SRL: variants seen among roughly 807,000 people sequenced by gnomAD.
The protein encoded by SRL is sarcalumenin.
SRL carries 23 observed loss-of-function variants against 39.5 expected under a neutral mutation model. That is an observed-to-expected ratio of 0.58 (90% confidence interval 0.42 to 0.82). SRL has a LOEUF of 0.82. Ranked by LOEUF, SRL falls within the 40% of genes least tolerant of loss-of-function variation. The pLI is 0.00. For synonymous variants in SRL, 272 were observed against 237.4 expected (o/e 1.15, Z -1.34); for missense variants, 592 against 607.8 (o/e 0.97, Z 0.27).
chr16:4,211,552 G>A (rs1345593230), intron 1 of SRL, among the ~76,000 whole-genome samples: 2 of 133,188 alleles, frequency 1.5e-5, no homozygotes, highest in East Asian at 3.9e-4. Context: ...TGACCGTGCC[G>A]ATGATGAGGA....
intron 1 of SRL, among the ~76,000 whole-genome samples, chr16:4,208,566 C>G (rs981639103): frequency 6.6e-5 from 10 of 152,194 alleles, no homozygotes; most frequent in Admixed American, 1.3e-4. Context: ...TGCATCCCAC[C>G]TCATGGCAGT....
chr16:4,204,528 G>C lies in SRL; in HGVS notation c.163+5C>G, dbSNP rs778116742. 12 of 1,613,302 alleles carry C rather than the reference G, an allele frequency of 7.4e-6. No individual in the cohort carries two copies. Among genetic ancestry groups the C allele is most frequent in the Admixed American group, 5.0e-5 (3 of 59,988 alleles). ...GCCCTGGGCATATCTCCCTCCCCTG[G>C]TTACCAGAGTAGTCATCGGATGGCT... On this transcript the variant is annotated splice_donor_5th_base_variant and intron_variant, in intron 2 of 5. Transcript: ENST00000399609.
rs1340255473 is a variant in SRL at position 4,192,261 on chromosome 16, C to T, written c.1314G>A (p.Glu438=). 1 of 1,614,078 alleles carries T rather than the reference C, an allele frequency of 6.2e-7. No homozygotes were observed. Among genetic ancestry groups the T allele is most frequent in the East Asian group, 2.2e-5 (1 of 44,880 alleles). ...LEKIERAITQ[E]LPGLLGSLGL... ...CGAGGCTACCCAGGAGGCCCGGAAGCTCCTGAGTGATGGCCCGCTCAATCT... is the reference window on the plus strand; with the variant it reads ...CGAGGCTACCCAGGAGGCCCGGAAGTTCCTGAGTGATGGCCCGCTCAATCT... The change falls in exon 6 of 6, where the codon GAG becomes GAA. Residue 438 remains glutamate (E), a synonymous_variant. Coordinates refer to ENST00000399609, the MANE Select transcript of SRL (RefSeq NM_001098814.2). This position sits in a 1 kb window ranked among gnomAD's most constrained non-coding sequence, Gnocchi z 4.0.
At chr16:4,203,328 G>C in intron 2 of SRL, 67 bp from the exon 3 acceptor site, 1 of 1,382,582 alleles carries the variant, frequency 7.2e-7, no homozygotes, top group Admixed American at 1.7e-5. Context: ...CTCCATTGTG[G>C]AGGGGCCTCA....
chr16:4,218,344 C>T (rs1345051294), intron 1 of SRL, among the ~76,000 whole-genome samples: 1 of 152,144 alleles, frequency 6.6e-6, no homozygotes, highest in Non-Finnish European at 1.5e-5. Flanking sequence ...CCGGTAAGGG[C>T]CCTTCAAAGC....
intron 4 of SRL, among the ~76,000 whole-genome samples, chr16:4,197,421 C>CTTCTTTT (rs71394661): frequency 0.02 from 2,188 of 107,544 alleles, 125 homozygotes; most frequent in African/African-American, 0.076. Flanking sequence ...CTTTTCTTTC[C>CTTCTTTT]TTTTTTTTTT....
chr16:4,213,404 C>CTTTTTTTTTTTTTTTTTT (rs1176583909), intron 1 of SRL, among the ~76,000 whole-genome samples: 6 of 69,582 alleles, frequency 8.6e-5, no homozygotes, highest in Admixed American at 1.5e-4. Flanking sequence ...TTTTCTTTTT[C>CTTTTTTTTTTTTTTTTTT]TTTTTTTTTT....
intron 1 of SRL, among the ~76,000 whole-genome samples, chr16:4,238,306 G>A (rs758871903): frequency 7.2e-5 from 11 of 152,026 alleles, no homozygotes; most frequent in African/African-American, 1.2e-4. Flanking sequence ...GGATGCACAG[G>A]GCCTAGCTCT....
At chr16:4,204,239 G>A (rs1327408904) in intron 2 of SRL, among the ~76,000 whole-genome samples, 1 of 152,192 alleles carries the variant, frequency 6.6e-6, no homozygotes, top group Admixed American at 6.5e-5. Context: ...AGCACAGCAT[G>A]GGGCTGCACT....
intron 1 of SRL, among the ~76,000 whole-genome samples, chr16:4,213,733 C>T (rs372256992): frequency 4.6e-5 from 7 of 152,170 alleles, no homozygotes; most frequent in African/African-American, 1.7e-4. Flanking sequence ...CCAGTCCACA[C>T]GTGCCAGGCT....
chr16:4,197,710 G>T, intron 4 of SRL, 89 bp downstream of exon 4: 1 of 991,412 alleles, frequency 1.0e-6, no homozygotes, highest in Non-Finnish European at 1.6e-6. Flanking sequence ...ACAGGCATGA[G>T]TCATAATGTC....
intron 1 of SRL, among the ~76,000 whole-genome samples, chr16:4,240,557 G>A (rs1279345952): frequency 6.6e-6 from 1 of 152,186 alleles, no homozygotes; most frequent in Admixed American, 6.5e-5. Context: ...AGGAAGGAAA[G>A]ACAGCAGAGA....
intron 4 of SRL, among the ~76,000 whole-genome samples, chr16:4,196,443 C>G (rs1007119155): frequency 6.6e-6 from 1 of 150,582 alleles, no homozygotes; most frequent in African/African-American, 2.4e-5. Context: ...TACAAGCACT[C>G]TGGCGTCTCT....
At chr16:4,240,795 G>C (rs969108019) in intron 1 of SRL, among the ~76,000 whole-genome samples, 1 of 152,150 alleles carries the variant, frequency 6.6e-6, no homozygotes, top group Non-Finnish European at 1.5e-5. Context: ...GCGGCTTGGG[G>C]CTCCGGATCC....
intron 1 of SRL, among the ~76,000 whole-genome samples, chr16:4,226,662 G>A (rs2052592878): frequency 6.6e-6 from 1 of 151,902 alleles, no homozygotes; most frequent in South Asian, 2.1e-4. Flanking sequence ...AGGGTGAATG[G>A]AAGGATGATG....
At chr16:4,224,050 T>A (rs997238012) in intron 1 of SRL, among the ~76,000 whole-genome samples, 1 of 151,540 alleles carries the variant, frequency 6.6e-6, no homozygotes, top group African/African-American at 2.4e-5. Flanking sequence ...GCAACTACCA[T>A]GGATGGAACT....
chr16:4,197,722 G>T, intron 4 of SRL, 77 bp downstream of exon 4: 1 of 1,085,834 alleles, frequency 9.2e-7, no homozygotes, highest in Non-Finnish European at 1.4e-6. Context: ...CATAATGTCC[G>T]GCCAGTGATT....
At chr16:4,198,708 A>G (rs1790236527) in intron 3 of SRL, among the ~76,000 whole-genome samples, 1 of 152,164 alleles carries the variant, frequency 6.6e-6, no homozygotes, top group Non-Finnish European at 1.5e-5. Context: ...TGGCTCCCCA[A>G]AATGCTGGGA....
At position 4,195,849 on chromosome 16, in the gene SRL, G is replaced by A. The variant is rs528615656; in HGVS notation, c.377-63C>T. On this transcript the variant is annotated intron_variant, in intron 4 of 5. Coordinates refer to ENST00000399609, the MANE Select transcript of SRL (RefSeq NM_001098814.2). ...CTCTGTGAAACAGATCTACTGAGAA[G>A]CATGTGTATATGCCTGGTGTCACAG... is the stretch of plus-strand genomic sequence containing the variant. 5 of 1,413,486 alleles carry A rather than the reference G, an allele frequency of 3.5e-6. No homozygotes were observed. The Admixed American group carries it at 7.8e-5, about 22-fold the overall frequency. The allele number at this position is 1,413,486 out of a possible 1,614,324, so 87.6% of individuals were successfully genotyped here. A position where few individuals can be genotyped will look rare whatever the true frequency, so the allele number is the denominator to read the frequency against.
Sources: allele counts gnomAD v4.1 joint callset (sites outside exome capture counted in the v4.1 genomes callset), GRCh38; gene constraint gnomAD v4.1.1; non-coding constraint Gnocchi (gnomAD v3.1); transcripts MANE v1.5; gene names NCBI Gene and HGNC (gene_info 2026-07-23, HGNC 2026-07-21).